Variants in STRN observed in about 807,000 individuals in gnomAD.
The protein encoded by STRN is striatin.
STRN carries 53 observed loss-of-function variants against 96.3 expected under a neutral mutation model. The observed-to-expected ratio is 0.55, with a 90% CI of 0.44 to 0.69. The LOEUF is 0.69. Ranked by LOEUF, STRN falls within the 30% of genes least tolerant of loss-of-function variation. STRN has a pLI of 0.00. For synonymous variants in STRN, 428 were observed against 355.9 expected (o/e 1.20, Z -2.28); for missense variants, 987 against 963.9 (o/e 1.02, Z -0.32).
intron 13 of STRN, among the ~76,000 whole-genome samples, chr2:36,858,937 T>G (rs1364127029): frequency 1.3e-5 from 2 of 152,286 alleles, no homozygotes; most frequent in South Asian, 4.2e-4. Flanking sequence ...GAGTGAAACC[T>G]AGAATTTACA....
intron 15 of STRN, 97 bp downstream of exon 15, chr2:36,855,115 T>G: frequency 7.7e-7 from 1 of 1,296,508 alleles, no homozygotes; most frequent in Non-Finnish European, 1.1e-6. Flanking sequence ...ACAGAAAGCT[T>G]TATAATGACA....
chr2:36,901,146 A>G (rs1219233721), intron 5 of STRN, among the ~76,000 whole-genome samples: 2 of 152,202 alleles, frequency 1.3e-5, no homozygotes, highest in Non-Finnish European at 2.9e-5. Flanking sequence ...CAGATTAGCA[A>G]CAGTATCTTT....
intron 3 of STRN, among the ~76,000 whole-genome samples, chr2:36,911,989 A>G (rs1669975057): frequency 6.6e-6 from 1 of 152,154 alleles, no homozygotes; most frequent in Non-Finnish European, 1.5e-5. Context: ...ATCCTATCTC[A>G]TATATAAAGC....
intron 12 of STRN, 30 bp downstream of exon 12, chr2:36,867,784 G>C: frequency 6.9e-7 from 1 of 1,439,662 alleles, no homozygotes; most frequent in Non-Finnish European, 9.4e-7. Flanking sequence ...AGAGATATCG[G>C]TTTAAAATAA....
At position 36,869,645 on chromosome 2, in the gene STRN, C is replaced by T. The variant is rs770129477; in HGVS notation, c.1408G>A (p.Ala470Thr). Residue 470 changes from alanine to threonine, a missense_variant, in exon 11 of 18, where the codon GCT becomes ACT. Physicochemically the swap from Ala to Thr is moderately conservative, Grantham distance 58. Coordinates refer to ENST00000263918, the MANE Select transcript of STRN (RefSeq NM_003162.4). ...AAAACAGGCTCAATGGGATGGAAAG[C>T]AAGGGCTCGGATGCCATCAAAGTGA... ...RSHFDGIRAL[A>T]FHPIEPVLIT... 7.4e-6 allele frequency: 12 copies of T among 1,612,858 alleles called. No homozygotes were observed. The African/African-American group carries it at 1.6e-4, about 22-fold the overall frequency.
intron 1 of STRN, among the ~76,000 whole-genome samples, chr2:36,961,138 T>C (rs965015548): frequency 6.3e-5 from 9 of 142,944 alleles, no homozygotes; most frequent in Non-Finnish European, 1.1e-4. Context: ...TTTTTTTTTT[T>C]TTTTCTGAGA....
chr2:36,944,297 T>G (rs916062967), intron 1 of STRN, among the ~76,000 whole-genome samples: 1 of 152,188 alleles, frequency 6.6e-6, no homozygotes, highest in South Asian at 2.1e-4. Flanking sequence ...TCTAAGTTCA[T>G]ACACTGTTGA....
At chr2:36,963,552 A>G (rs10166161) in intron 1 of STRN, among the ~76,000 whole-genome samples, 9,771 of 152,172 alleles carry the variant, frequency 0.064, 419 homozygotes, top group East Asian at 0.13. Flanking sequence ...GATTACTGCA[A>G]ACTCTTCCCC....
At chr2:36,936,497 CTGATT>C (rs1306482071) in intron 1 of STRN, among the ~76,000 whole-genome samples, 9 of 152,128 alleles carry the variant, frequency 5.9e-5, no homozygotes, top group African/African-American at 1.9e-4. Flanking sequence ...AACACGTAAT[CTGATT>C]TAACTAACAC....
chr2:36,896,987 G>C (rs1669556653), intron 6 of STRN, among the ~76,000 whole-genome samples: 1 of 152,044 alleles, frequency 6.6e-6, no homozygotes, highest in African/African-American at 2.4e-5. Flanking sequence ...GACCAACATG[G>C]AGAAACCCTG....
chr2:36,887,171 A>G (rs1023749621), intron 7 of STRN, among the ~76,000 whole-genome samples: 2 of 151,590 alleles, frequency 1.3e-5, no homozygotes, highest in Non-Finnish European at 2.9e-5. Context: ...GCTCACGCCT[A>G]TAATTCCAGC....
At chr2:36,961,566 C>T (rs1047173800) in intron 1 of STRN, among the ~76,000 whole-genome samples, 1 of 152,140 alleles carries the variant, frequency 6.6e-6, no homozygotes, top group Non-Finnish European at 1.5e-5. Context: ...TACATATTCA[C>T]ATATCTTATC....
chr2:36,963,028 TC>T (rs1168824322), intron 1 of STRN, among the ~76,000 whole-genome samples: 1 of 152,016 alleles, frequency 6.6e-6, no homozygotes, highest in Non-Finnish European at 1.5e-5. Flanking sequence ...ATTCTTTTTT[TC>T]CCCCCATGAA....
At chr2:36,961,949 T>C (rs1665039722) in intron 1 of STRN, among the ~76,000 whole-genome samples, 1 of 152,202 alleles carries the variant, frequency 6.6e-6, no homozygotes, top group Non-Finnish European at 1.5e-5. Context: ...TTCCTCACCT[T>C]AGAGATCACC....
intron 2 of STRN, among the ~76,000 whole-genome samples, chr2:36,923,221 G>T (rs1272889552): frequency 1.3e-5 from 2 of 151,708 alleles, no homozygotes; most frequent in East Asian, 3.9e-4. Flanking sequence ...AGGCTGAGAT[G>T]GTGGATTACC....
At position 36,842,183 on chromosome 2, in the gene STRN, T is replaced by C. The variant is rs936670806; in HGVS notation, c.*7273A>G. The C allele has an allele frequency of 4.6e-5, 7 of 152,214 alleles. No individual in the cohort carries two copies. Among genetic ancestry groups the C allele is most frequent in the Non-Finnish European group, 8.8e-5 (6 of 68,038 alleles). 9.4% of individuals were successfully genotyped at this position (152,214 alleles called of 1,614,324 possible). On this transcript the variant is annotated 3_prime_UTR_variant, in exon 18 of 18. Transcript: ENST00000263918. Reference sequence around the variant, plus strand: ...ACTCACGATTAATGTAAAACGTTGCTTTCCATGTGCTTTTTTTTCTTAAAG... The same window carrying C: ...ACTCACGATTAATGTAAAACGTTGCCTTCCATGTGCTTTTTTTTCTTAAAG...
chr2:36,953,585 G>A (rs1372258250), intron 1 of STRN, among the ~76,000 whole-genome samples: 1 of 151,946 alleles, frequency 6.6e-6, no homozygotes, highest in Non-Finnish European at 1.5e-5. Flanking sequence ...TGTACTTTTA[G>A]TAGAGACAGG....
intron 4 of STRN, 87 bp downstream of exon 4, chr2:36,905,453 T>C: frequency 3.4e-6 from 4 of 1,190,494 alleles, no homozygotes; most frequent in African/African-American, 1.5e-5. Flanking sequence ...AAAATATTCA[T>C]CTGACTTGAA....
At chr2:36,894,694 A>C (rs772176452) in intron 6 of STRN, among the ~76,000 whole-genome samples, 56 of 152,206 alleles carry the variant, frequency 3.7e-4, no homozygotes, top group Non-Finnish European at 3.5e-4. Flanking sequence ...ACTTCAGCTT[A>C]CTCACTTCAT....
Sources: gnomAD v4.1 joint callset for allele counts (sites outside exome capture counted in the v4.1 genomes callset) on GRCh38, gnomAD v4.1.1 for gene constraint, MANE v1.5 for transcripts, NCBI Gene and HGNC (gene_info 2026-07-23, HGNC 2026-07-21) for gene names.